The following CFAP69 variants were observed in gnomAD, a reference collection of about 807,000 sequenced individuals.
CFAP69 encodes the protein cilia- and flagella-associated protein 69.
Under a neutral mutation model 123.0 loss-of-function variants are expected in CFAP69, and 92 were observed. The ratio of observed to expected loss-of-function variants is 0.75; its 90% CI spans 0.63 to 0.89. The LOEUF (loss-of-function observed/expected upper bound fraction) is 0.89. Ranked by LOEUF, CFAP69 falls within the 40% of genes least tolerant of loss-of-function variation. The probability of loss-of-function intolerance (pLI) is 0.00; values close to 1 mark genes in which losing one functional copy is unlikely to be tolerated. For missense variants in CFAP69, 1,067 were observed against 1,096.9 expected, an observed-to-expected ratio of 0.97 and a Z score of 0.39; for synonymous variants, 380 against 364.3, an observed-to-expected ratio of 1.04 and a Z score of -0.49.
intron 16 of CFAP69, among the ~76,000 whole-genome samples, chr7:90,298,428 G>T (rs560018586): frequency 6.6e-6 from 1 of 152,130 alleles, no homozygotes; most frequent in African/African-American, 2.4e-5. Context: ...GATGATATGG[G>T]AGGAAACGTA....
chr7:90,289,062 A>G (rs1010737779), intron 15 of CFAP69, among the ~76,000 whole-genome samples: 2 of 151,958 alleles, frequency 1.3e-5, no homozygotes, highest in African/African-American at 4.8e-5. Context: ...TACTTGTTAA[A>G]CATTTTGTTA....
chr7:90,271,397 C>T lies in CFAP69; in HGVS notation c.533-129C>T, dbSNP rs569680628. On this transcript the variant is annotated intron_variant, in intron 6 of 22. Transcript: ENST00000389297. The stretch of plus-strand genomic sequence containing the variant: ...AAATGTGGCCCATCCCTATGCTGCG[C>T]AATTTTTAAATTCCATATACTTTTA... 1.4e-4 allele frequency: 133 copies of T among 968,764 alleles called. 1 individual carries two copies. The South Asian group carries it at 1.7e-3, about 13-fold the overall frequency. The allele number at this position is 968,764 out of a possible 1,614,324, so 60.0% of individuals were successfully genotyped here.
intron 13 of CFAP69, among the ~76,000 whole-genome samples, chr7:90,284,334 A>T (rs1023539535): frequency 5.3e-5 from 8 of 152,298 alleles, no homozygotes; most frequent in African/African-American, 1.7e-4. Context: ...GGTACAGTGT[A>T]CACTGCTTGG....
rs768837491 is a variant in CFAP69 at position 90,307,034 on chromosome 7, A to G, written c.2399A>G (p.Gln800Arg). Residue 800 changes from glutamine to arginine, a missense_variant, in exon 20 of 23, where the codon CAA becomes CGA. Physicochemically the swap from Gln to Arg is conservative, Grantham distance 43. Coordinates refer to ENST00000389297, the MANE Select transcript of CFAP69 (RefSeq NM_001039706.3). Reference sequence around the variant, plus strand: ...ATTGGAAAGATGGTTGCTTCTCTGCAAAGTGATATAATTGAAAGCCAAGCA... The same window carrying G: ...ATTGGAAAGATGGTTGCTTCTCTGCGAAGTGATATAATTGAAAGCCAAGCA... ...ENIGKMVASL[Q>R]SDIIESQACQ... 4.3e-6 allele frequency: 7 copies of G among 1,613,252 alleles called. No homozygotes were observed. Among genetic ancestry groups the G allele is most frequent in the Non-Finnish European group, 5.9e-6 (7 of 1,179,754 alleles).
chr7:90,310,121 A>G lies in CFAP69; in HGVS notation c.2709A>G (p.Gly903=). Residue 903 remains glycine, a synonymous_variant, in exon 23 of 23, where the codon GGA becomes GGG. Coordinates refer to ENST00000389297, the MANE Select transcript of CFAP69 (RefSeq NM_001039706.3). ...TVESTPARLV[G]GPLVDTDIAL... is the part of the protein sequence containing the mutation. Reference sequence around the variant, plus strand: ...AAAGCACTCCTGCCCGATTAGTAGGAGGACCTCTGGTTGATACGGATATTG... The same window carrying G: ...AAAGCACTCCTGCCCGATTAGTAGGGGGACCTCTGGTTGATACGGATATTG... The G allele has an allele frequency of 6.2e-7, 1 of 1,613,972 alleles. No homozygotes were observed. Among genetic ancestry groups the G allele is most frequent in the Non-Finnish European group, 8.5e-7 (1 of 1,179,882 alleles).
chr7:90,322,278 C>T, the CFAP69 span: 3 of 152,232 alleles, frequency 2.0e-5, no homozygotes, highest in African/African-American at 7.2e-5. Flanking sequence ...GACTTGTTTA[C>T]TCGGATTAGG....
At chr7:90,295,901 G>A (rs1791874618) in intron 15 of CFAP69, among the ~76,000 whole-genome samples, 1 of 152,140 alleles carries the variant, frequency 6.6e-6, no homozygotes, top group African/African-American at 2.4e-5. Flanking sequence ...CTGTCATTGT[G>A]CTGGTGGGAG....
At chr7:90,297,851 C>T in intron 16 of CFAP69, 21 bp downstream of exon 16, 1 of 1,504,040 alleles carries the variant, frequency 6.6e-7, no homozygotes, top group South Asian at 1.2e-5. Context: ...CTATAACAAT[C>T]ATAAGACAAA....
chr7:90,267,384 GT>G (rs1799297285), intron 5 of CFAP69, among the ~76,000 whole-genome samples: 2 of 152,056 alleles, frequency 1.3e-5, no homozygotes, highest in South Asian at 2.1e-4. Context: ...ACCAGTTCTA[GT>G]TTAGTTCTAA....
chr7:90,299,482 C>G (rs1660007499), intron 16 of CFAP69, among the ~76,000 whole-genome samples: 1 of 152,030 alleles, frequency 6.6e-6, no homozygotes, highest in Non-Finnish European at 1.5e-5. Context: ...TCTTTACAAG[C>G]CTTAATAAAG....
intron 4 of CFAP69, among the ~76,000 whole-genome samples, chr7:90,262,850 T>A (rs1039243092): frequency 3.9e-5 from 6 of 151,940 alleles, no homozygotes; most frequent in Admixed American, 2.6e-4. Flanking sequence ...AACTCTCACT[T>A]TTAGATTTAC....
chr7:90,268,290 C>G lies in CFAP69; in HGVS notation c.438C>G (p.Asp146Glu). The G allele has an allele frequency of 6.2e-7, 1 of 1,602,666 alleles. No homozygotes were observed. Among genetic ancestry groups the G allele is most frequent in the South Asian group, 1.1e-5 (1 of 89,208 alleles). Reference protein sequence around the residue: ...DTANSIALLGDLMKIPSSELR... With the variant: ...DTANSIALLGELMKIPSSELR... ...ACCTGTTTATCTTTCTGGCAGGTGA[C>G]TTAATGAAAATACCAAGTTCTGAAT... Residue 146 changes from aspartate (D) to glutamate (E), a missense_variant, in exon 6 of 23, where the codon GAC (aspartate) becomes GAG (glutamate). Physicochemically the swap from Asp to Glu is conservative, Grantham distance 45. Transcript: ENST00000389297.
chr7:90,265,218 T>A (rs1469350873), intron 4 of CFAP69, 83 bp from the exon 5 acceptor site: 2 of 788,358 alleles, frequency 2.5e-6, no homozygotes, highest in Non-Finnish European at 4.3e-6. Context: ...TCTTTAGAAA[T>A]GAACTCTCCC....
chr7:90,261,742 A>G (rs1391887849), intron 3 of CFAP69, among the ~76,000 whole-genome samples: 2 of 152,196 alleles, frequency 1.3e-5, no homozygotes, highest in Non-Finnish European at 2.9e-5. Flanking sequence ...GTAGGCATTT[A>G]CTGAGGCAAA....
intron 21 of CFAP69, among the ~76,000 whole-genome samples, chr7:90,308,085 T>A (rs1407396319): frequency 2.6e-5 from 4 of 152,192 alleles, no homozygotes; most frequent in African/African-American, 9.6e-5. Flanking sequence ...AGGCTGATGT[T>A]CTTGACCTAC....
At chr7:90,265,418 G>C (rs780437863) in intron 5 of CFAP69, 41 bp downstream of exon 5, 2 of 1,318,534 alleles carry the variant, frequency 1.5e-6, no homozygotes, top group Non-Finnish European at 2.2e-6. Context: ...TGTAACATAC[G>C]ACAGGTCCTA....
chr7:90,288,403 CT>C, intron 15 of CFAP69, 51 bp downstream of exon 15: 3 of 1,566,634 alleles, frequency 1.9e-6, no homozygotes, highest in Non-Finnish European at 8.7e-7. Context: ...TCATGCATCA[CT>C]TTACAACAGT....
At chr7:90,321,982 C>A in the CFAP69 span, among the ~76,000 whole-genome samples, 4 of 152,254 alleles carry the variant, frequency 2.6e-5, no homozygotes, top group Admixed American at 6.5e-5. Context: ...GCTGCCTTAT[C>A]CCCATTTCCC....
intron 16 of CFAP69, among the ~76,000 whole-genome samples, chr7:90,298,567 C>G (rs555119844): frequency 6.6e-6 from 1 of 152,260 alleles, no homozygotes; most frequent in East Asian, 1.9e-4. Context: ...TTTGATTTAG[C>G]AAAAGTGCTA....
Sources: gnomAD v4.1 joint callset for allele counts (sites outside exome capture counted in the v4.1 genomes callset) on GRCh38, gnomAD v4.1.1 for gene constraint, MANE v1.5 for transcripts, NCBI Gene and HGNC (gene_info 2026-07-23, HGNC 2026-07-21) for gene names.